NPFFR2: variants seen among roughly 807,000 people sequenced by gnomAD.
The protein encoded by NPFFR2 is G-protein coupled receptor 74.
In NPFFR2, 15 loss-of-function variants were observed where a neutral mutation model predicts 13.1. That is an observed-to-expected ratio of 1.15 (90% CI 0.77 to 1.76). The LOEUF is 1.76. Ranked by LOEUF, NPFFR2 falls within the 40% of genes most tolerant of loss-of-function variation. The pLI is 0.00. For synonymous variants in NPFFR2, 190 were observed against 175.7 expected, an observed-to-expected ratio of 1.08 and a Z score of -0.65; for missense variants, 572 against 503.5, an observed-to-expected ratio of 1.14 and a Z score of -1.30.
chr4:72,127,758 G>A (rs1311706292), intron 1 of NPFFR2, among the ~76,000 whole-genome samples: 15 of 152,000 alleles, frequency 9.9e-5, no homozygotes, highest in Non-Finnish European at 1.5e-5. Context: ...ACAATATGGT[G>A]GCTGTGTCTG....
chr4:72,123,172 G>T (rs573089135), intron 1 of NPFFR2, among the ~76,000 whole-genome samples: 63 of 151,308 alleles, frequency 4.2e-4, no homozygotes, highest in Non-Finnish European at 7.2e-4. Context: ...TAGAAGAAAT[G>T]GATACATTCC....
chr4:72,077,317 G>C (rs1309274794), intron 1 of NPFFR2, among the ~76,000 whole-genome samples: 1 of 152,088 alleles, frequency 6.6e-6, no homozygotes, highest in Non-Finnish European at 1.5e-5. Context: ...TTTTATGAAA[G>C]TACTAAAAGC....
intron 1 of NPFFR2, among the ~76,000 whole-genome samples, chr4:72,124,429 A>G (rs930201192): frequency 5.3e-5 from 8 of 152,158 alleles, no homozygotes; most frequent in African/African-American, 9.7e-5. Flanking sequence ...AAAAGAGCCC[A>G]TATAGCCAAG....
At chr4:72,068,593 G>C (rs1305792974) in intron 1 of NPFFR2, among the ~76,000 whole-genome samples, 1 of 152,066 alleles carries the variant, frequency 6.6e-6, no homozygotes, top group Non-Finnish European at 1.5e-5. Flanking sequence ...ATCTATCCTT[G>C]TGCCTAGAAC....
At chr4:72,089,629 G>A (rs966818684) in intron 1 of NPFFR2, among the ~76,000 whole-genome samples, 14 of 152,152 alleles carry the variant, frequency 9.2e-5, no homozygotes, top group Admixed American at 2.6e-4. Flanking sequence ...ATCTTCTTTT[G>A]AGAGTTGTCT....
chr4:72,052,568 C>A (rs1327959405), intron 1 of NPFFR2, among the ~76,000 whole-genome samples: 2 of 152,044 alleles, frequency 1.3e-5, no homozygotes, highest in Admixed American at 1.3e-4. Context: ...TGGAAGCATT[C>A]CCTTTGAAAA....
intron 1 of NPFFR2, among the ~76,000 whole-genome samples, chr4:72,124,980 C>G (rs924737576): frequency 6.6e-6 from 1 of 152,156 alleles, no homozygotes; most frequent in Non-Finnish European, 1.5e-5. Context: ...TCAGAGTGAA[C>G]AGGCAACCTA....
intron 1 of NPFFR2, among the ~76,000 whole-genome samples, chr4:72,052,500 A>G (rs955153538): frequency 5.5e-4 from 84 of 152,132 alleles, no homozygotes; most frequent in African/African-American, 2.0e-3. Flanking sequence ...GTATCTCAAA[A>G]TAATAAGAGC....
At chr4:72,127,546 G>T (rs1367175676) in intron 1 of NPFFR2, among the ~76,000 whole-genome samples, 2 of 141,522 alleles carry the variant, frequency 1.4e-5, no homozygotes, top group Admixed American at 6.8e-5. Flanking sequence ...TGTATTTTTA[G>T]TAGAGACGGG....
chr4:72,069,229 T>G (rs918517123), intron 1 of NPFFR2, among the ~76,000 whole-genome samples: 4 of 152,166 alleles, frequency 2.6e-5, no homozygotes, highest in Non-Finnish European at 5.9e-5. Context: ...GGAAATTAGC[T>G]GTGTGTCAAA....
intron 1 of NPFFR2, among the ~76,000 whole-genome samples, chr4:72,062,115 A>G (rs1022366209): frequency 3.9e-5 from 6 of 152,094 alleles, no homozygotes; most frequent in Admixed American, 1.3e-4. Context: ...TTCCACGGGA[A>G]CCATAACTAT....
intron 1 of NPFFR2, among the ~76,000 whole-genome samples, chr4:72,053,619 T>C (rs1432870479): frequency 3.3e-5 from 5 of 151,912 alleles, no homozygotes; most frequent in Non-Finnish European, 7.4e-5. Flanking sequence ...GAAATACAAT[T>C]ATTATTTGTA....
intron 1 of NPFFR2, among the ~76,000 whole-genome samples, chr4:72,118,331 G>A (rs1485304077): frequency 2.6e-5 from 4 of 152,136 alleles, no homozygotes; most frequent in African/African-American, 4.8e-5. Context: ...CTGACATATG[G>A]TAAGCATACA....
intron 1 of NPFFR2, among the ~76,000 whole-genome samples, chr4:72,084,791 C>T (rs543303895): frequency 6.6e-6 from 1 of 152,236 alleles, no homozygotes; most frequent in Admixed American, 6.6e-5. Flanking sequence ...TAGATAAATG[C>T]CCTGGCCACA....
chr4:72,134,969 G>A (rs971048303), intron 2 of NPFFR2, among the ~76,000 whole-genome samples: 2 of 151,928 alleles, frequency 1.3e-5, no homozygotes, highest in Admixed American at 6.6e-5. Context: ...GAGATGAAAC[G>A]TTTGAGCTCT....
intron 1 of NPFFR2, among the ~76,000 whole-genome samples, chr4:72,070,116 A>G (rs1215145258): frequency 6.6e-6 from 1 of 152,204 alleles, no homozygotes; most frequent in East Asian, 1.9e-4. Context: ...TGAAAAGTTG[A>G]AGAGCTATAA....
intron 3 of NPFFR2, among the ~76,000 whole-genome samples, chr4:72,141,392 C>T (rs750165128): frequency 2.0e-5 from 3 of 152,138 alleles, no homozygotes; most frequent in Non-Finnish European, 4.4e-5. Context: ...CTCTTGTAGG[C>T]ATTTAGTGCT....
chr4:72,114,002 G>A (rs959287443), intron 1 of NPFFR2, among the ~76,000 whole-genome samples: 1 of 152,016 alleles, frequency 6.6e-6, no homozygotes, highest in Non-Finnish European at 1.5e-5. Context: ...ATTCTGTTAA[G>A]AACTTTTCAT....
intron 3 of NPFFR2, among the ~76,000 whole-genome samples, chr4:72,145,935 A>G (rs191478544): frequency 7.7e-4 from 118 of 152,314 alleles, no homozygotes; most frequent in African/African-American, 2.7e-3. Context: ...TTCAATAATA[A>G]TAACAAGATC....
Sources: allele counts gnomAD v4.1 joint callset (sites outside exome capture counted in the v4.1 genomes callset), GRCh38; gene constraint gnomAD v4.1.1; transcripts MANE v1.5; gene names NCBI Gene and HGNC (gene_info 2026-07-23, HGNC 2026-07-21).